Variants in TLR1 observed in about 807,000 individuals in gnomAD.
The protein encoded by TLR1 is toll like receptor 1, also known as toll-like receptor 1.
Under a neutral mutation model 20.2 loss-of-function variants are expected in TLR1, and 19 were observed. The ratio of observed to expected loss-of-function variants is 0.94; its 90% CI spans 0.66 to 1.38. The LOEUF is 1.38. Ranked by LOEUF, TLR1 falls within the 40% of genes most tolerant of loss-of-function variation. The pLI, the probability that TLR1 is intolerant of heterozygous loss-of-function variation, is 0.00. For synonymous variants in TLR1, 320 were observed against 334.5 expected, an observed-to-expected ratio of 0.96 and a Z score of 0.47; for missense variants, 921 against 910.0, an observed-to-expected ratio of 1.01 and a Z score of -0.16.
At chr4:38,788,173 G>A (rs1725648766), downstream of TLR1, among the ~76,000 whole-genome samples, 1 of 152,086 alleles carries the variant, frequency 6.6e-6, no homozygotes, top group South Asian at 2.1e-4. Context: ...ACTGGGAGGA[G>A]AGGATCAAAA....
downstream of TLR1, among the ~76,000 whole-genome samples, chr4:38,788,840 C>G (rs1399892787): frequency 6.6e-6 from 1 of 151,970 alleles, no homozygotes; most frequent in East Asian, 1.9e-4. Flanking sequence ...GACCCCGTCT[C>G]TACAAAAAAA....
intron 3 of TLR1, among the ~76,000 whole-genome samples, chr4:38,799,778 G>C (rs1446761384): frequency 3.3e-5 from 5 of 152,146 alleles, no homozygotes; most frequent in African/African-American, 1.2e-4. Context: ...TTACTCAAAA[G>C]GTAATTAGAT....
downstream of TLR1, among the ~76,000 whole-genome samples, chr4:38,793,531 C>T (rs10005625): frequency 0.031 from 4,713 of 152,172 alleles, 184 homozygotes; most frequent in East Asian, 0.17. Context: ...TCTTCATCTT[C>T]CAACTTTGAA....
At chr4:38,790,944 G>T (rs962080291) in exon 4 of TLR1, 3 of 152,168 alleles carry the variant, frequency 2.0e-5, no homozygotes, top group African/African-American at 7.2e-5. Flanking sequence ...TGGCACTTCT[G>T]TCCCCTGGCT....
chr4:38,796,172 A>G, downstream of TLR1: 1 of 357,396 alleles, frequency 2.8e-6, no homozygotes, highest in East Asian at 5.3e-5. Flanking sequence ...ACTAGAACAC[A>G]CATCACTGAA....
In TLR1 at chr4:38,798,526, G is replaced by A; in HGVS notation, c.306C>T (p.His102=). The A allele has an allele frequency of 6.2e-7, 1 of 1,614,166 alleles. No homozygotes were observed. Among genetic ancestry groups the A allele is most frequent in the South Asian group, 1.1e-5 (1 of 91,084 alleles). Reference sequence around the variant, plus strand: ...GGCAAGAAATCTTCACCAACTTGTTGTGGGACAAATCCAAGTATTCCAATT... The same window carrying A: ...GGCAAGAAATCTTCACCAACTTGTTATGGGACAAATCCAAGTATTCCAATT... ...NQELEYLDLS[H]NKLVKISCHP... Residue 102 remains histidine (H), a synonymous_variant, in exon 4 of 4, where the codon CAC becomes CAT. Transcript: ENST00000308979.
intron 2 of TLR1, among the ~76,000 whole-genome samples, chr4:38,802,088 T>C (rs1229417066): frequency 1.3e-5 from 2 of 152,086 alleles, no homozygotes; most frequent in Non-Finnish European, 2.9e-5. Flanking sequence ...TCCCAGCTAC[T>C]GGGGAAGCTG....
Position 38,796,811 on chromosome 4 carries a change from A to G in TLR1, c.2021T>C (p.Val674Ala). Reference sequence around the variant, plus strand: ...ATTTTCCACAATGCTCTTGCCAGGAACAAAGTTTCTCTCATGAAGGCAAAT... The same window carrying G: ...ATTTTCCACAATGCTCTTGCCAGGAGCAAAGTTTCTCTCATGAAGGCAAAT... ...MQICLHERNFVPGKSIVENII... is the reference protein window; with the variant it reads ...MQICLHERNFAPGKSIVENII... The change falls in exon 4 of 4, where the codon GTT (valine) becomes GCT (alanine). Residue 674 changes from valine (V) to alanine (A), a missense_variant. Transcript: ENST00000308979. 1 of 1,614,268 alleles carries G rather than the reference A, an allele frequency of 6.2e-7. No homozygotes were observed.
downstream of TLR1, chr4:38,794,471 T>C (rs1725900417): frequency 6.6e-6 from 1 of 152,190 alleles, no homozygotes; most frequent in African/African-American, 2.4e-5. Context: ...TACTGTTGTT[T>C]TTCATGAACC....
Position 38,796,934 on chromosome 4 carries a change from C to T in TLR1, c.1898G>A (p.Arg633Lys), listed in dbSNP as rs769128800. ...ARNIPLEELQRNLQFHAFISY... is the reference protein window; with the variant it reads ...ARNIPLEELQKNLQFHAFISY... The stretch of plus-strand genomic sequence containing the variant: ...AATAAATGCATGAAACTGGAGATTT[C>T]TTTGGAGTTCTTCTAAGGGTATGTT... Residue 633 changes from arginine to lysine, a missense_variant, in exon 4 of 4, where the codon AGA becomes AAA. By Grantham distance (26) the Arg-to-Lys change is conservative. Transcript: ENST00000308979. 6.2e-7 allele frequency: 1 copy of T among 1,614,078 alleles called. No individual in the cohort carries two copies. The highest frequency in any genetic ancestry group is 1.3e-5 in the African/African-American group (1 of 74,920).
At chr4:38,803,991 A>G (rs1456788378) in intron 2 of TLR1, among the ~76,000 whole-genome samples, 2 of 152,216 alleles carry the variant, frequency 1.3e-5, no homozygotes, top group Admixed American at 1.3e-4. Context: ...TATCTGGCCC[A>G]TTAAGTTTAG....
chr4:38,788,918 A>C (rs1210407609), downstream of TLR1, among the ~76,000 whole-genome samples: 2 of 152,160 alleles, frequency 1.3e-5, no homozygotes, highest in African/African-American at 4.8e-5. Context: ...AGGCAAGAGG[A>C]TCTCTGGAGC....
At chr4:38,805,484 A>G (rs1000394289), upstream of TLR1, 3 of 152,226 alleles carry the variant, frequency 2.0e-5, no homozygotes, top group Non-Finnish European at 2.9e-5. Flanking sequence ...TGTTGACAGC[A>G]TGTTCAAGGA....
rs748741180 is a variant in TLR1 at position 38,797,467 on chromosome 4, A to G, written c.1365T>C (p.Asn455=). Residue 455 remains asparagine, a synonymous_variant, in exon 4 of 4, where the codon AAT becomes AAC. Coordinates refer to ENST00000308979, the MANE Select transcript of TLR1 (RefSeq NM_003263.4). ...PRIKVLDLHS[N]KIKSIPKQVV... ...CTTGTTTAGGAATGCTCTTTATTTT[A>G]TTGCTGTGAAGATCAAGTACCTTGA... 1.4e-5 allele frequency: 22 copies of G among 1,614,080 alleles called. No homozygotes were observed. The East Asian group carries it at 3.1e-4, about 23-fold the overall frequency.
At chr4:38,801,546 TC>T (rs1726644707) in intron 2 of TLR1, among the ~76,000 whole-genome samples, 1 of 152,304 alleles carries the variant, frequency 6.6e-6, no homozygotes, top group Non-Finnish European at 1.5e-5. Flanking sequence ...TAAGTGGGGT[TC>T]CCTGCTTATT....
chr4:38,791,055 C>T (rs911805370), exon 4 of TLR1: 1 of 152,210 alleles, frequency 6.6e-6, no homozygotes, highest in African/African-American at 2.4e-5. Context: ...ATTCAAGAAG[C>T]AACTGTGTCC....
Position 38,797,597 on chromosome 4 carries a change from T to C in TLR1, c.1235A>G (p.Tyr412Cys), listed in dbSNP as rs1036854432. The change falls in exon 4 of 4, where the codon TAT becomes TGT. Residue 412 changes from tyrosine to cysteine, a missense_variant. By Grantham distance (194) the Tyr-to-Cys change is radical. Coordinates refer to ENST00000308979, the MANE Select transcript of TLR1 (RefSeq NM_003263.4). Reference protein sequence around the residue: ...QLDISQNSVSYDEKKGDCSWT... With the variant: ...QLDISQNSVSCDEKKGDCSWT... ...AGAACAGTCTCCTTTCTTTTCATCATAGCTTACAGAATTCTGGCTAATATC... is the reference window on the plus strand; with the variant it reads ...AGAACAGTCTCCTTTCTTTTCATCACAGCTTACAGAATTCTGGCTAATATC... The C allele has an allele frequency of 2.2e-5, 35 of 1,613,684 alleles. No homozygotes were observed. Among genetic ancestry groups the C allele is most frequent in the Non-Finnish European group, 2.9e-5 (34 of 1,179,996 alleles).
upstream of TLR1, chr4:38,804,800 C>A (rs1324353324): frequency 6.7e-6 from 1 of 149,002 alleles, no homozygotes; most frequent in East Asian, 2.2e-4. Context: ...GTAAGAAATT[C>A]AAGCACTTCC....
At chr4:38,795,788 G>A (rs1163748923), downstream of TLR1, among the ~76,000 whole-genome samples, 2 of 152,218 alleles carry the variant, frequency 1.3e-5, no homozygotes, top group African/African-American at 4.8e-5. Context: ...CATTTCTACT[G>A]TGGACAACCA....
Sources: allele counts gnomAD v4.1 joint callset (sites outside exome capture counted in the v4.1 genomes callset), GRCh38; gene constraint gnomAD v4.1.1; transcripts MANE v1.5; gene names NCBI Gene and HGNC (gene_info 2026-07-23, HGNC 2026-07-21).